The following AP1G1 variants were observed in gnomAD, a reference collection of about 807,000 sequenced individuals.
AP1G1 encodes the protein AP-1 complex subunit gamma-1.
In AP1G1, 7 loss-of-function variants were observed where a neutral mutation model predicts 108.3. The ratio of observed to expected loss-of-function variants is 0.06; its 90% CI spans 0.04 to 0.12. The LOEUF (loss-of-function observed/expected upper bound fraction) is 0.12. Ranked by LOEUF, AP1G1 falls within the 10% of genes least tolerant of loss-of-function variation. The pLI, the probability that AP1G1 is intolerant of heterozygous loss-of-function variation, is 1.00. For missense variants in AP1G1, 756 were observed against 1,010.7 expected (o/e 0.75, Z 3.42); for synonymous variants, 379 against 353.5 (o/e 1.07, Z -0.81).
intron 19 of AP1G1, among the ~76,000 whole-genome samples, chr16:71,744,573 T>G (rs1347615318): frequency 3.5e-5 from 5 of 144,462 alleles, no homozygotes; most frequent in Admixed American, 2.8e-4. Flanking sequence ...GAAAGTGTGT[T>G]TTTTTTTTTT....
Position 71,731,174 on chromosome 16 carries a change from C to G in AP1G1, c.*1884G>C, listed in dbSNP as rs1370531525. ...GCAGAGCAGTTGTCTGAAATATGCA[C>G]TAGTCCACACTTACATTACTGAAAA... On this transcript the variant is annotated 3_prime_UTR_variant, in exon 23 of 23. Coordinates refer to ENST00000299980, the MANE Select transcript of AP1G1 (RefSeq NM_001128.6). 1.3e-5 allele frequency: 2 copies of G among 152,482 alleles called. No individual in the cohort carries two copies. The highest frequency in any genetic ancestry group is 3.8e-4 in the East Asian group (2 of 5,202). 9.4% of individuals were successfully genotyped at this position (152,482 alleles called of 1,614,324 possible).
chr16:71,747,304 G>C (rs2030232319), intron 16 of AP1G1: 1 of 152,182 alleles, frequency 6.6e-6, no homozygotes, highest in African/African-American at 2.4e-5. Context: ...AAACATTCAT[G>C]ATTTTATTCC....
chr16:71,802,663 G>A (rs1377354317), intron 1 of AP1G1, among the ~76,000 whole-genome samples: 1 of 151,986 alleles, frequency 6.6e-6, no homozygotes, highest in East Asian at 1.9e-4. Flanking sequence ...CCAGGAGGCG[G>A]AGGTTGAGGT....
intron 1 of AP1G1, chr16:71,808,321 T>C (rs2033069081): frequency 1.3e-6 from 1 of 761,550 alleles, no homozygotes. Flanking sequence ...AGCGATTAAC[T>C]GGGCATTTGG....
rs180715635 is a variant in AP1G1 at position 71,799,422 on chromosome 16, A to G, written c.-4+9341T>C. ...CCACAGGAAAATAATAAATTATGGTACATCCACGCTATAAGACACAATAGG... is the reference window on the plus strand; with the variant it reads ...CCACAGGAAAATAATAAATTATGGTGCATCCACGCTATAAGACACAATAGG... On this transcript the variant is annotated intron_variant, in intron 1 of 22. Transcript: ENST00000299980. Among the ~76,000 whole-genome samples, 1,143 of 152,306 alleles carry G rather than the reference A, an allele frequency of 7.5e-3. 8 individuals are homozygous for G. Among genetic ancestry groups the G allele is most frequent in the Non-Finnish European group, 0.012 (799 of 68,034 alleles).
At chr16:71,760,414 G>A (rs1424731278) in intron 10 of AP1G1, among the ~76,000 whole-genome samples, 2 of 151,740 alleles carry the variant, frequency 1.3e-5, no homozygotes, top group Non-Finnish European at 1.5e-5. Context: ...GCGTGGTGGC[G>A]TTCGCCTGTA....
At chr16:71,808,268 G>C (rs908360831) in intron 1 of AP1G1, 5 of 970,606 alleles carry the variant, frequency 5.2e-6, no homozygotes, top group Non-Finnish European at 3.9e-6. Context: ...AGAGAGGCGA[G>C]GCCGATGTCC....
intron 3 of AP1G1, 48 bp from the exon 4 acceptor site, chr16:71,773,410 A>C: frequency 1.4e-6 from 2 of 1,462,016 alleles, no homozygotes; most frequent in East Asian, 2.5e-5. Flanking sequence ...GCTCCCCAAG[A>C]AGCAGCTTCA....
At chr16:71,765,115 C>T (rs1314251828) in intron 7 of AP1G1, among the ~76,000 whole-genome samples, 4 of 152,128 alleles carry the variant, frequency 2.6e-5, no homozygotes, top group Admixed American at 6.5e-5. Flanking sequence ...CTGAGGGGGG[C>T]GGGCTACTTG....
At chr16:71,764,786 T>A in intron 7 of AP1G1, 60 bp from the exon 8 acceptor site, 1 of 1,074,278 alleles carries the variant, frequency 9.3e-7, no homozygotes, top group Non-Finnish European at 1.4e-6. Flanking sequence ...AAATCTCACT[T>A]GGTATGAAAT....
intron 22 of AP1G1, 110 bp downstream of exon 22, chr16:71,734,499 T>C (rs1276911350): frequency 1.6e-5 from 14 of 862,416 alleles, no homozygotes; most frequent in Non-Finnish European, 5.7e-6. Flanking sequence ...TTTTCATTGA[T>C]CTCTTCTCTA....
intron 1 of AP1G1, among the ~76,000 whole-genome samples, chr16:71,789,884 A>G (rs1462382085): frequency 2.6e-5 from 4 of 152,244 alleles, no homozygotes; most frequent in African/African-American, 9.6e-5. Flanking sequence ...GCTGTTAAAC[A>G]TAACATAGCT....
At chr16:71,774,335 A>G (rs2031693993) in intron 3 of AP1G1, 133 bp downstream of exon 3, 2 of 867,484 alleles carry the variant, frequency 2.3e-6, no homozygotes, top group Non-Finnish European at 3.5e-6. Flanking sequence ...GTGGCAGCGG[A>G]GGAGGATGCA....
In AP1G1 at chr16:71,729,550, C is replaced by G. The variant is rs2145400002; in HGVS notation, c.*3508G>C. On this transcript the variant is annotated 3_prime_UTR_variant, in exon 23 of 23. Transcript: ENST00000299980. ...CGGCATTTCCTTCTGTTAAAGTGTT[C>G]CAGGTCCTGGAACCCTGTCGATGGG... 1 of 152,542 alleles carries G rather than the reference C, an allele frequency of 6.6e-6. No homozygotes were observed. Among genetic ancestry groups the G allele is most frequent in the Non-Finnish European group, 1.5e-5 (1 of 67,996 alleles). 9.4% of individuals were successfully genotyped at this position (152,542 alleles called of 1,614,324 possible).
chr16:71,802,488 G>A (rs539825917), intron 1 of AP1G1, among the ~76,000 whole-genome samples: 202 of 152,270 alleles, frequency 1.3e-3, no homozygotes, highest in African/African-American at 4.2e-3. Flanking sequence ...CCGGCACTTT[G>A]GGAGGCCGAG....
intron 1 of AP1G1, chr16:71,807,754 C>T: frequency 8.2e-7 from 1 of 1,224,334 alleles, no homozygotes; most frequent in Non-Finnish European, 1.1e-6. Flanking sequence ...CTCCTCCCTT[C>T]TGTTAACTAA....
rs543525277 is a variant in AP1G1 at position 71,788,334 on chromosome 16, T to C, written c.201+945A>G. Among the ~76,000 whole-genome samples the C allele has an allele frequency of 1.1e-4, 16 of 152,200 alleles. No individual in the cohort carries two copies. In the South Asian group the frequency reaches 3.1e-3, roughly 30 times the overall value. On this transcript the variant is annotated intron_variant, in intron 2 of 22. Transcript: ENST00000299980. ...AAAATAAAATTTAATAGCACTAATA[T>C]GAAATAAAAAAAACCCACTATTTCC... is the stretch of plus-strand genomic sequence containing the variant.
intron 19 of AP1G1, among the ~76,000 whole-genome samples, chr16:71,743,945 CAAA>C (rs35804839): frequency 1.3e-4 from 11 of 87,184 alleles, no homozygotes; most frequent in African/African-American, 1.3e-4. Flanking sequence ...GACTCTGTCT[CAAA>C]AAAAAAAAAA....
chr16:71,779,939 C>G (rs1041991967), intron 2 of AP1G1, among the ~76,000 whole-genome samples: 1 of 151,400 alleles, frequency 6.6e-6, no homozygotes, highest in Non-Finnish European at 1.5e-5. Context: ...GGCAACCCAG[C>G]AAGACCCCAT....
Sources: allele counts gnomAD v4.1 joint callset (sites outside exome capture counted in the v4.1 genomes callset), GRCh38; gene constraint gnomAD v4.1.1; transcripts MANE v1.5; gene names NCBI Gene and HGNC (gene_info 2026-07-23, HGNC 2026-07-21).